ZNF541: variants seen among roughly 807,000 people sequenced by gnomAD.
ZNF541 encodes zinc finger protein 541.
In ZNF541, 23 loss-of-function variants were observed where a neutral mutation model predicts 123.5. The observed-to-expected ratio is 0.19, with a 90% CI of 0.13 to 0.26. The LOEUF (loss-of-function observed/expected upper bound fraction) is 0.26. Among genes scored for constraint, ZNF541 ranks in the 10% least tolerant of loss-of-function variants. ZNF541 has a pLI of 1.00. For missense variants in ZNF541, 1,612 were observed against 1,789.9 expected (o/e 0.90, Z 1.79); for synonymous variants, 751 against 754.5 (o/e 1.00, Z 0.08).
In ZNF541 at chr19:47,558,212, C is replaced by T. The variant is rs187136424; in HGVS notation, c.-98-2258G>A. On this transcript the variant is annotated intron_variant, in intron 2 of 16. Transcript: ENST00000391901. ...TGGGCGGATCATGAGGTCAGGAGAT[C>T]GAGACCATCCCGGCTAACACGGTGA... Among the ~76,000 whole-genome samples the T allele has an allele frequency of 5.9e-3, 905 of 152,148 alleles. 3 individuals carry two copies. The highest frequency in any genetic ancestry group is 8.3e-3 in the Non-Finnish European group (564 of 68,004).
At chr19:47,556,745 A>ATTTTTTT (rs943279417) in intron 2 of ZNF541, among the ~76,000 whole-genome samples, 5 of 146,360 alleles carry the variant, frequency 3.4e-5, no homozygotes, top group Non-Finnish European at 6.0e-5. Flanking sequence ...TGGAATGATA[A>ATTTTTTT]TTTTTTTTCT....
At chr19:47,573,018 G>T (rs1318395064) in intron 1 of ZNF541, among the ~76,000 whole-genome samples, 65 bp downstream of exon 1, 2 of 151,598 alleles carry the variant, frequency 1.3e-5, no homozygotes, top group East Asian at 1.9e-4. Flanking sequence ...GAAAAAAGAG[G>T]AAATAATAGT....
At chr19:47,524,606 G>A (rs1363142424) in intron 14 of ZNF541, among the ~76,000 whole-genome samples, 3 of 151,830 alleles carry the variant, frequency 2.0e-5, no homozygotes, top group African/African-American at 7.3e-5. Context: ...TACTCAGGAG[G>A]CTGAGGCAGC....
chr19:47,540,260 C>A lies in ZNF541; in HGVS notation c.2538G>T (p.Met846Ile). 1 of 1,551,888 alleles carries A rather than the reference C, an allele frequency of 6.4e-7. No homozygotes were observed. The highest frequency in any genetic ancestry group is 8.7e-7 in the Non-Finnish European group (1 of 1,147,032). ...STFVCKNCSQMFYTEKGLSSH... is the reference protein window; with the variant it reads ...STFVCKNCSQIFYTEKGLSSH... ...TGCTCAGCCCTTTCTCCGTATAAAACATCTGGCTGCAGTTCTTGCAGACAA... is the reference window on the plus strand; with the variant it reads ...TGCTCAGCCCTTTCTCCGTATAAAAAATCTGGCTGCAGTTCTTGCAGACAA... The change falls in exon 7 of 17, where the codon ATG (methionine) becomes ATT (isoleucine). Residue 846 changes from methionine (M) to isoleucine (I), a missense_variant. Met to Ile is a conservative substitution (Grantham distance 10). Transcript: ENST00000391901.
rs1420823115 is a variant in ZNF541 at position 47,521,452 on chromosome 19, G to A, written c.3887+27C>T. 18 of 1,550,870 alleles carry A rather than the reference G, an allele frequency of 1.2e-5. No homozygotes were observed. Among genetic ancestry groups the A allele is most frequent in the Non-Finnish European group, 1.0e-5 (12 of 1,146,284 alleles). On this transcript the variant is annotated intron_variant, in intron 16 of 16. Transcript: ENST00000391901. The surrounding 1 kb of genome is among the most constrained non-coding windows in gnomAD (Gnocchi z 4.2). Reference sequence around the variant, plus strand: ...CAGGGGCTGAGGCTGGGAGCCCTGGGAGTGTTTCCAGGAGAAAGCTGGGTA... The same window carrying A: ...CAGGGGCTGAGGCTGGGAGCCCTGGAAGTGTTTCCAGGAGAAAGCTGGGTA...
intron 14 of ZNF541, among the ~76,000 whole-genome samples, chr19:47,527,963 T>G (rs1389719941): frequency 1.4e-5 from 2 of 146,188 alleles, no homozygotes; most frequent in African/African-American, 5.0e-5. Context: ...CCTCCCAAAG[T>G]GCTGGGATTA....
At chr19:47,548,788 G>A (rs1302100401) in intron 4 of ZNF541, among the ~76,000 whole-genome samples, 1 of 152,106 alleles carries the variant, frequency 6.6e-6, no homozygotes, top group Non-Finnish European at 1.5e-5. Context: ...TGAGAAGAAC[G>A]GAGTGGGCTG....
At chr19:47,559,028 C>T (rs1038613506) in intron 2 of ZNF541, among the ~76,000 whole-genome samples, 3 of 148,740 alleles carry the variant, frequency 2.0e-5, no homozygotes, top group African/African-American at 7.4e-5. Flanking sequence ...ACAGGCGTGA[C>T]CCACCGCGCC....
At chr19:47,537,477 C>T (rs753384996) in intron 9 of ZNF541, among the ~76,000 whole-genome samples, 7 of 149,520 alleles carry the variant, frequency 4.7e-5, no homozygotes, top group Non-Finnish European at 8.9e-5. Context: ...GGCAGGAGAA[C>T]TGCTTGAACT....
Position 47,555,584 on chromosome 19 carries a change from C to T in ZNF541, c.273G>A (p.Glu91=), listed in dbSNP as rs1302290312. 6 of 1,549,928 alleles carry T rather than the reference C, an allele frequency of 3.9e-6. No individual in the cohort carries two copies. The African/African-American group carries it at 8.2e-5, about 21-fold the overall frequency. Residue 91 remains glutamate (E), a synonymous_variant, in exon 3 of 17, where the codon GAG becomes GAA. Coordinates refer to ENST00000391901, the MANE Select transcript of ZNF541 (RefSeq NM_001277075.3). Reference sequence around the variant, plus strand: ...ATGCCTGAGACTCCGAATCTGCGTACTCCTCCAGCAGCTTCACAGAATCAC... The same window carrying T: ...ATGCCTGAGACTCCGAATCTGCGTATTCCTCCAGCAGCTTCACAGAATCAC... ...KDSDSVKLLE[E]YADSESQASL... is the part of the protein sequence containing the mutation.
At chr19:47,535,382 T>G (rs571234061) in intron 9 of ZNF541, among the ~76,000 whole-genome samples, 1 of 152,346 alleles carries the variant, frequency 6.6e-6, no homozygotes, top group East Asian at 1.9e-4. Flanking sequence ...AAATTAGAAA[T>G]GTTTGTCCTG....
At chr19:47,538,535 A>G (rs1969933362) in intron 8 of ZNF541, 96 bp from the exon 9 acceptor site, 1 of 1,314,948 alleles carries the variant, frequency 7.6e-7, no homozygotes, top group African/African-American at 1.5e-5. Context: ...GAGACCGGCC[A>G]GAGACAGGAA....
intron 4 of ZNF541, among the ~76,000 whole-genome samples, chr19:47,548,317 C>A (rs1357827239): frequency 6.6e-6 from 1 of 151,112 alleles, no homozygotes; most frequent in Non-Finnish European, 1.5e-5. Flanking sequence ...GTGGCATGCG[C>A]CTGTAGTCCC....
chr19:47,545,396 C>A lies in ZNF541; in HGVS notation c.1133G>T (p.Arg378Leu). ...PEPDTALLQA[R>L]STAECWPEGG... ...TTCGGGCCAGCACTCCGCGGTGGAC[C>A]GGGCCTGGAGCAGCGCGGTATCTGG... The change falls in exon 5 of 17, where the codon CGG becomes CTG. Residue 378 changes from arginine (R) to leucine (L), a missense_variant. Physicochemically the swap from Arg to Leu is moderately radical, Grantham distance 102. This residue lies in a region of ZNF541 where 1,080 missense variants were observed against 1,013.8 expected (regional missense o/e 1.07). Transcript: ENST00000391901. The surrounding 1 kb of genome is among the most constrained non-coding windows in gnomAD (Gnocchi z 7.5). 1 of 1,515,672 alleles carries A rather than the reference C, an allele frequency of 6.6e-7. No individual in the cohort carries two copies. The highest frequency in any genetic ancestry group is 8.9e-7 in the Non-Finnish European group (1 of 1,129,362). 93.9% of individuals were successfully genotyped at this position (1,515,672 alleles called of 1,614,324 possible). A position where few individuals can be genotyped will look rare whatever the true frequency, so the allele number is the denominator to read the frequency against.
In ZNF541 at chr19:47,540,800, A is replaced by G. The variant is rs1970048889; in HGVS notation, c.2462+93T>C. On this transcript the variant is annotated intron_variant, in intron 6 of 16. Coordinates refer to ENST00000391901, the MANE Select transcript of ZNF541 (RefSeq NM_001277075.3). ...GTACCCTAATCCCATTAGGACTGAA[A>G]GCATCCTCCCCACTCACTTGTCCAG... 2.3e-6 allele frequency: 3 copies of G among 1,280,270 alleles called. No individual in the cohort carries two copies. The South Asian group carries it at 4.1e-5, about 18-fold the overall frequency. The allele number at this position is 1,280,270 out of a possible 1,614,324, so 79.3% of individuals were successfully genotyped here. A position where few individuals can be genotyped will look rare whatever the true frequency, so the allele number is the denominator to read the frequency against.
At chr19:47,552,560 G>A (rs1214805252) in intron 3 of ZNF541, among the ~76,000 whole-genome samples, 1 of 151,800 alleles carries the variant, frequency 6.6e-6, no homozygotes, top group African/African-American at 2.4e-5. Flanking sequence ...TGGCTAACAT[G>A]GTGAAACCCC....
intron 2 of ZNF541, among the ~76,000 whole-genome samples, chr19:47,560,075 T>C (rs1970998391): frequency 6.6e-6 from 1 of 152,096 alleles, no homozygotes; most frequent in Non-Finnish European, 1.5e-5. Context: ...GAAAGCCCAA[T>C]GCAAAGATCT....
In ZNF541 at chr19:47,549,192, G is replaced by A. The variant is rs1400075131; in HGVS notation, c.548+53C>T. The A allele has an allele frequency of 3.9e-6, 6 of 1,545,868 alleles. No individual in the cohort carries two copies. In the Admixed American group the frequency reaches 7.9e-5, roughly 20 times the overall value. On this transcript the variant is annotated intron_variant, in intron 4 of 16. Coordinates refer to ENST00000391901, the MANE Select transcript of ZNF541 (RefSeq NM_001277075.3). Reference sequence around the variant, plus strand: ...GAATAGGAAGAAGACCCAGGAACATGTCCCCACCCCCAGCCCCTGAACAGA... The same window carrying A: ...GAATAGGAAGAAGACCCAGGAACATATCCCCACCCCCAGCCCCTGAACAGA...
rs970169430 is a variant in ZNF541 at position 47,545,101 on chromosome 19, G to A, written c.1428C>T (p.Ala476=). The A allele has an allele frequency of 2.0e-6, 3 of 1,479,802 alleles. No homozygotes were observed. Among genetic ancestry groups the A allele is most frequent in the African/African-American group, 1.4e-5 (1 of 71,326 alleles). 91.7% of individuals were successfully genotyped at this position (1,479,802 alleles called of 1,614,324 possible). The change falls in exon 5 of 17, where the codon GCC becomes GCT. Residue 476 remains alanine (A), a synonymous_variant. Transcript: ENST00000391901. The surrounding 1 kb of genome is among the most constrained non-coding windows in gnomAD (Gnocchi z 7.5). ...CCTCCGCGGGGACCCTGAGGAGCGC[G>A]GCAGGGAAGGGCAGAGCATCCTCCA... ...GGLEDALPFP[A]ALLRVPAEAP... is the part of the protein sequence containing the mutation.
Sources: gnomAD v4.1 joint callset for allele counts (sites outside exome capture counted in the v4.1 genomes callset) on GRCh38, gnomAD v4.1.1 for gene constraint, gnomAD v4.1.1 regional missense constraint, Gnocchi (gnomAD v3.1) non-coding constraint, MANE v1.5 for transcripts, NCBI Gene and HGNC (gene_info 2026-07-23, HGNC 2026-07-21) for gene names.